Variants in RARB observed in about 807,000 individuals in gnomAD.
RARB encodes retinoic acid receptor beta.
RARB carries 17 observed loss-of-function variants against 51.9 expected under a neutral mutation model. The observed-to-expected ratio is 0.33, with a 90% CI of 0.22 to 0.49. The LOEUF (loss-of-function observed/expected upper bound fraction) is 0.49. Among genes scored for constraint, RARB ranks in the 20% least tolerant of loss-of-function variants. The pLI is 0.99. For synonymous variants in RARB, 215 were observed against 195.4 expected, an observed-to-expected ratio of 1.10 and a Z score of -0.84; for missense variants, 369 against 550.8, an observed-to-expected ratio of 0.67 and a Z score of 3.30.
At chr3:25,555,964 C>T (rs1333217550) in intron 3 of RARB, among the ~76,000 whole-genome samples, 2 of 151,200 alleles carry the variant, frequency 1.3e-5, no homozygotes, top group East Asian at 1.9e-4. Flanking sequence ...GATTGTGAAG[C>T]TCTGGCAGGA....
intron 2 of RARB, among the ~76,000 whole-genome samples, chr3:24,984,947 G>A (rs1159255684): frequency 6.6e-6 from 1 of 152,170 alleles, no homozygotes; most frequent in Non-Finnish European, 1.5e-5. Flanking sequence ...CTCTGGGAAA[G>A]TCACTTCTCC....
At chr3:25,003,194 C>CAAAAAAAAAAAAAAAAAA (rs565249387) in intron 2 of RARB, among the ~76,000 whole-genome samples, 1 of 89,514 alleles carries the variant, frequency 1.1e-5, no homozygotes, top group African/African-American at 4.1e-5. Context: ...GATCATAATG[C>CAAAAAAAAAAAAAAAAAA]AAAAAAAAAA....
At chr3:25,078,322 C>T (rs866748926) in intron 3 of RARB, among the ~76,000 whole-genome samples, 2 of 151,882 alleles carry the variant, frequency 1.3e-5, no homozygotes, top group Non-Finnish European at 2.9e-5. Flanking sequence ...GATGTAAGTT[C>T]GTTATTAATA....
intron 2 of RARB, among the ~76,000 whole-genome samples, chr3:25,003,629 T>C (rs1000936914): frequency 3.3e-5 from 5 of 152,038 alleles, no homozygotes; most frequent in Non-Finnish European, 5.9e-5. Flanking sequence ...AAGCAGAAAA[T>C]AAAAAGACAA....
intron 2 of RARB, among the ~76,000 whole-genome samples, chr3:25,483,204 G>T (rs76594842): frequency 6.6e-6 from 1 of 152,134 alleles, no homozygotes; most frequent in Non-Finnish European, 1.5e-5. Context: ...AGAAAGCATC[G>T]GGACACAATT....
intron 2 of RARB, among the ~76,000 whole-genome samples, chr3:25,481,215 A>G (rs1696207340): frequency 6.6e-6 from 1 of 152,220 alleles, no homozygotes; most frequent in Non-Finnish European, 1.5e-5. Flanking sequence ...AATCTCTTGC[A>G]TATTTTAAAT....
At chr3:25,100,447 T>C (rs1414251081) in intron 3 of RARB, among the ~76,000 whole-genome samples, 1 of 152,124 alleles carries the variant, frequency 6.6e-6, no homozygotes, top group Admixed American at 6.6e-5. Context: ...ACATATGTAT[T>C]TGAAGGTGAA....
At chr3:25,195,806 C>A (rs1377512669) in intron 5 of RARB, among the ~76,000 whole-genome samples, 1 of 151,854 alleles carries the variant, frequency 6.6e-6, no homozygotes, top group Non-Finnish European at 1.5e-5. Flanking sequence ...AAAGCCATGT[C>A]TTGAGTGATA....
rs116095089 is a variant in RARB at position 25,410,134 on chromosome 3, T to C, written c.179-51059T>C. ...TTGGCCAAACAGATTCCCTAAGTTC[T>C]GAAAATGACTGATAACAGGACAACA... On this transcript the variant is annotated intron_variant, in intron 5 of 11. Coordinates refer to the RARB transcript ENST00000383772. Among the ~76,000 whole-genome samples, 677 of 152,320 alleles carry C rather than the reference T, an allele frequency of 4.4e-3. 7 individuals are homozygous for C. Among genetic ancestry groups the C allele is most frequent in the African/African-American group, 0.016 (653 of 41,570 alleles).
chr3:24,955,195 G>GT (rs1334967060), intron 2 of RARB, among the ~76,000 whole-genome samples: 1 of 152,186 alleles, frequency 6.6e-6, no homozygotes, highest in Non-Finnish European at 1.5e-5. Flanking sequence ...AAAGGGGATG[G>GT]TGTAAGAAGA....
chr3:25,595,701 T>G (rs1274075653), intron 7 of RARB, among the ~76,000 whole-genome samples: 1 of 152,242 alleles, frequency 6.6e-6, no homozygotes, highest in Non-Finnish European at 1.5e-5. Context: ...GTGTGGCTTA[T>G]GCAACTGAGG....
At chr3:25,181,315 G>A (rs1013517845) in intron 5 of RARB, among the ~76,000 whole-genome samples, 1 of 152,134 alleles carries the variant, frequency 6.6e-6, no homozygotes, top group South Asian at 2.1e-4. Context: ...GATTTACTAT[G>A]CATGTCTTAT....
intron 3 of RARB, among the ~76,000 whole-genome samples, chr3:25,079,155 AGTATT>A (rs1381147537): frequency 1.3e-5 from 2 of 152,052 alleles, no homozygotes; most frequent in East Asian, 1.9e-4. Flanking sequence ...TCTTGTCAAC[AGTATT>A]GTATTTTATC....
At chr3:24,836,944 A>G (rs1188919007) in intron 1 of RARB, among the ~76,000 whole-genome samples, 2 of 152,204 alleles carry the variant, frequency 1.3e-5, no homozygotes, top group African/African-American at 4.8e-5. Context: ...ACCAGTCTAA[A>G]GGTTGGATGT....
chr3:25,533,582 C>G (rs1404324322), intron 3 of RARB, among the ~76,000 whole-genome samples: 1 of 152,136 alleles, frequency 6.6e-6, no homozygotes, highest in Non-Finnish European at 1.5e-5. Flanking sequence ...TCTTATGTGC[C>G]AGCCAGTAGA....
At chr3:25,363,605 C>G (rs577081577) in intron 5 of RARB, among the ~76,000 whole-genome samples, 1 of 152,298 alleles carries the variant, frequency 6.6e-6, no homozygotes, top group African/African-American at 2.4e-5. Context: ...AATGACTTCT[C>G]CACTACCATC....
upstream of RARB, among the ~76,000 whole-genome samples, chr3:25,427,833 C>G (rs886344604): frequency 6.6e-6 from 1 of 152,062 alleles, no homozygotes; most frequent in Non-Finnish European, 1.5e-5. Flanking sequence ...AGGAATTTAA[C>G]AGACAGAAAG....
At chr3:25,581,193 G>A (rs1057063751) in intron 5 of RARB, among the ~76,000 whole-genome samples, 7 of 152,152 alleles carry the variant, frequency 4.6e-5, no homozygotes, top group Non-Finnish European at 8.8e-5. Context: ...GAGTGCGTTC[G>A]TGTGCTTAAT....
chr3:24,843,576 C>T (rs1177890781), intron 1 of RARB, among the ~76,000 whole-genome samples: 1 of 152,120 alleles, frequency 6.6e-6, no homozygotes, highest in Non-Finnish European at 1.5e-5. Context: ...ATATATATCT[C>T]CTGCCAGCCC....
Sources: allele counts gnomAD v4.1 joint callset (sites outside exome capture counted in the v4.1 genomes callset), GRCh38; gene constraint gnomAD v4.1.1; transcripts MANE v1.5; gene names NCBI Gene and HGNC (gene_info 2026-07-23, HGNC 2026-07-21).